DSCAM: variants seen among roughly 807,000 people sequenced by gnomAD.
The protein encoded by DSCAM is DS cell adhesion molecule.
DSCAM carries 47 observed loss-of-function variants against 217.7 expected under a neutral mutation model. The ratio of observed to expected loss-of-function variants is 0.22; its 90% CI spans 0.17 to 0.28. The LOEUF (loss-of-function observed/expected upper bound fraction) is 0.28. Ranked by LOEUF, DSCAM falls within the 10% of genes least tolerant of loss-of-function variation. The pLI is 1.00. For missense variants in DSCAM, 2,080 were observed against 2,618.3 expected, an observed-to-expected ratio of 0.79 and a Z score of 4.49; for synonymous variants, 1,056 against 1,015.3, an observed-to-expected ratio of 1.04 and a Z score of -0.76.
At chr21:40,762,176 G>C (rs1223272396) in intron 1 of DSCAM, among the ~76,000 whole-genome samples, 1 of 152,018 alleles carries the variant, frequency 6.6e-6, no homozygotes, top group African/African-American at 2.4e-5. Flanking sequence ...CCAGGAGCTG[G>C]TTTTTTGAAA....
intron 3 of DSCAM, among the ~76,000 whole-genome samples, chr21:40,624,288 A>G (rs564834055): frequency 6.6e-6 from 1 of 152,384 alleles, no homozygotes; most frequent in South Asian, 2.1e-4. Flanking sequence ...CCTTCTGGAA[A>G]TATGACAGAA....
chr21:40,023,383 C>T (rs1404907606), intron 32 of DSCAM, among the ~76,000 whole-genome samples: 1 of 151,946 alleles, frequency 6.6e-6, no homozygotes, highest in Non-Finnish European at 1.5e-5. Context: ...GGTATATACC[C>T]AGTAATGGGA....
At chr21:40,517,042 T>C (rs995618460) in intron 3 of DSCAM, among the ~76,000 whole-genome samples, 9 of 147,768 alleles carry the variant, frequency 6.1e-5, no homozygotes, top group Admixed American at 1.4e-4. Context: ...TATATATATA[T>C]ACCTTATATA....
chr21:40,280,608 G>A (rs1233286092), intron 10 of DSCAM, among the ~76,000 whole-genome samples: 1 of 152,186 alleles, frequency 6.6e-6, no homozygotes, highest in Non-Finnish European at 1.5e-5. Flanking sequence ...TTTTGGATTA[G>A]GGAATCTGAA....
rs140410149 is a variant in DSCAM, at chr21:40,633,514, T to C, written c.508+59296A>G. ...TTAGTAAAACAAAATATGTACAAAT[T>C]TAAAAAGAAATATTTGGGACATCCC... On this transcript the variant is annotated intron_variant, in intron 3 of 32. Transcript: ENST00000400454. 5.7e-3 allele frequency among the ~76,000 whole-genome samples: 864 copies of C among 152,340 alleles called. 40 individuals carry two copies. The highest frequency in any genetic ancestry group is 9.3e-4 in the Non-Finnish European group (63 of 68,032).
intron 1 of DSCAM, among the ~76,000 whole-genome samples, chr21:40,827,081 A>C (rs190063035): frequency 1.3e-5 from 2 of 152,202 alleles, no homozygotes; most frequent in Non-Finnish European, 2.9e-5. Context: ...GTCTAATTAG[A>C]GGGAAGAAGC....
At chr21:40,123,674 G>T (rs2090059280) in intron 20 of DSCAM, among the ~76,000 whole-genome samples, 1 of 151,330 alleles carries the variant, frequency 6.6e-6, no homozygotes, top group Non-Finnish European at 1.5e-5. Flanking sequence ...AAGGGTAATA[G>T]ATCTTCATTA....
At chr21:40,222,061 G>A (rs1851766534) in intron 11 of DSCAM, among the ~76,000 whole-genome samples, 1 of 152,196 alleles carries the variant, frequency 6.6e-6, no homozygotes, top group Admixed American at 6.5e-5. Flanking sequence ...AAGGAATGAA[G>A]TGAGCCTGTC....
At position 40,259,863 on chromosome 21, in the gene DSCAM, G is replaced by T. The variant is rs551116250; in HGVS notation, c.2356+16234C>A. Among the ~76,000 whole-genome samples, 4 of 151,106 alleles carry T rather than the reference G, an allele frequency of 2.6e-5. No homozygotes were observed. In the East Asian group the frequency reaches 7.8e-4, roughly 30 times the overall value. ...ATAAATGACCCTGTCTCCTTTGTTC[G>T]GTGTACTCTTGTACAGTTACAAGAG... On this transcript the variant is annotated intron_variant, in intron 11 of 32. Transcript: ENST00000400454.
intron 3 of DSCAM, among the ~76,000 whole-genome samples, chr21:40,535,388 G>T (rs566506334): frequency 9.8e-4 from 149 of 152,274 alleles, no homozygotes; most frequent in African/African-American, 3.4e-3. Flanking sequence ...GATGGCGTGT[G>T]TTCAGATCCT....
chr21:40,089,560 C>T (rs759344301), intron 21 of DSCAM, among the ~76,000 whole-genome samples: 1 of 152,194 alleles, frequency 6.6e-6, no homozygotes, highest in Non-Finnish European at 1.5e-5. Flanking sequence ...CAGTGGTCCT[C>T]CTCTTCTTCA....
rs1319435144 is a variant in DSCAM at position 40,186,250 on chromosome 21, T to G, written c.2779+881A>C. Among the ~76,000 whole-genome samples, 6 of 152,264 alleles carry G rather than the reference T, an allele frequency of 3.9e-5. No homozygotes were observed. In the East Asian group the frequency reaches 9.7e-4, roughly 25 times the overall value. The stretch of plus-strand genomic sequence containing the variant: ...GGTTCCCAGCTGCCTTGAGCTTGAT[T>G]TTTTACTACAGCTTTAGTGCCAAAG... On this transcript the variant is annotated intron_variant, in intron 14 of 32. Coordinates refer to ENST00000400454, the MANE Select transcript of DSCAM (RefSeq NM_001389.5).
At chr21:40,450,917 G>GA (rs1261321911) in intron 3 of DSCAM, among the ~76,000 whole-genome samples, 1 of 152,194 alleles carries the variant, frequency 6.6e-6, no homozygotes, top group Admixed American at 6.5e-5. Context: ...ATAAACGTGT[G>GA]AATCTCTGCA....
chr21:40,378,489 T>C (rs1205307800), intron 3 of DSCAM, among the ~76,000 whole-genome samples: 1 of 148,112 alleles, frequency 6.8e-6, no homozygotes, highest in Non-Finnish European at 1.5e-5. Context: ...ATGGAAAAAC[T>C]CAGAAGTGCA....
chr21:40,818,164 T>A (rs2091898320), intron 1 of DSCAM, among the ~76,000 whole-genome samples: 1 of 144,370 alleles, frequency 6.9e-6, no homozygotes, highest in South Asian at 2.2e-4. Flanking sequence ...TGGGCCTCGA[T>A]GTGGTAAAGG....
chr21:40,431,987 G>A (rs1209265055), intron 3 of DSCAM, among the ~76,000 whole-genome samples: 4 of 152,090 alleles, frequency 2.6e-5, no homozygotes, highest in Non-Finnish European at 5.9e-5. Context: ...GTCACCTGAG[G>A]TCAGGAGTTT....
At chr21:40,381,058 G>T (rs543706080) in intron 3 of DSCAM, among the ~76,000 whole-genome samples, 1 of 70,768 alleles carries the variant, frequency 1.4e-5, no homozygotes, top group Non-Finnish European at 2.4e-5. Flanking sequence ...GCGAGACTCC[G>T]TCTCAAAAAA....
intron 3 of DSCAM, among the ~76,000 whole-genome samples, chr21:40,567,954 T>TTGAGAC (rs2076777828): frequency 6.6e-6 from 1 of 152,206 alleles, no homozygotes; most frequent in African/African-American, 2.4e-5. Context: ...GGTTTTTTTT[T>TTGAGAC]TGAGACTGAC....
chr21:40,491,359 C>A (rs990282954), intron 3 of DSCAM, among the ~76,000 whole-genome samples: 2 of 152,146 alleles, frequency 1.3e-5, no homozygotes, highest in Non-Finnish European at 1.5e-5. Flanking sequence ...TTCTGCCTAA[C>A]CTTTTTGCCA....
Sources: allele counts gnomAD v4.1 joint callset (sites outside exome capture counted in the v4.1 genomes callset), GRCh38; gene constraint gnomAD v4.1.1; transcripts MANE v1.5; gene names NCBI Gene and HGNC (gene_info 2026-07-23, HGNC 2026-07-21).